CACNG2: variants seen among roughly 807,000 people sequenced by gnomAD.
CACNG2 encodes the protein calcium voltage-gated channel auxiliary subunit gamma 2.
CACNG2 carries 3 observed loss-of-function variants against 25.9 expected under a neutral mutation model. That is an observed-to-expected ratio of 0.12 (90% CI 0.05 to 0.30). CACNG2 has a LOEUF of 0.30. Ranked by LOEUF, CACNG2 falls within the 10% of genes least tolerant of loss-of-function variation. The pLI is 1.00. For synonymous variants in CACNG2, 167 were observed against 173.3 expected (o/e 0.96, Z 0.29); for missense variants, 341 against 432.5 (o/e 0.79, Z 1.88).
chr22:36,632,509 C>A (rs1337034668), intron 1 of CACNG2, among the ~76,000 whole-genome samples: 1 of 150,206 alleles, frequency 6.7e-6, no homozygotes, highest in African/African-American at 2.4e-5. Context: ...TCCCTTTTCT[C>A]TTCCCCCTTC....
In CACNG2 at chr22:36,564,218, G is replaced by GTTTTTTTGT. The variant is rs1555892137; in HGVS notation, c.*124_*132dup. 1.4e-6 allele frequency: 1 copy of GTTTTTTTGT among 731,962 alleles called. No individual in the cohort carries two copies. Among genetic ancestry groups the GTTTTTTTGT allele is most frequent in the Non-Finnish European group, 2.1e-6 (1 of 481,836 alleles). The allele number at this position is 731,962 out of a possible 1,614,324, so 45.3% of individuals were successfully genotyped here. ...GTGTGTGTGTGTTTTTTTGTTTTTT[G>GTTTTTTTGT]TTTTTTTGTTTTTTTTGTTTTTTGT... On this transcript the variant is annotated 3_prime_UTR_variant, in exon 4 of 4. Transcript: ENST00000300105. This position sits in a 1 kb window ranked among gnomAD's most constrained non-coding sequence, Gnocchi z 6.7.
At chr22:36,600,450 C>CA (rs56118733) in intron 1 of CACNG2, among the ~76,000 whole-genome samples, 4,020 of 147,410 alleles carry the variant, frequency 0.027, 121 homozygotes, top group Admixed American at 0.086. Context: ...ACCAAAAAAA[C>CA]AAAAAAAAAA....
intron 1 of CACNG2, among the ~76,000 whole-genome samples, chr22:36,590,274 C>A (rs6000337): frequency 6.6e-6 from 1 of 152,236 alleles, no homozygotes. Flanking sequence ...AGAGGCCGTG[C>A]GAGATAATCA....
intron 1 of CACNG2, among the ~76,000 whole-genome samples, chr22:36,671,735 G>A (rs562175623): frequency 6.6e-6 from 1 of 152,158 alleles, no homozygotes; most frequent in Non-Finnish European, 1.5e-5. Context: ...TTACAGGCCT[G>A]GCTGGAAGCT....
intron 1 of CACNG2, among the ~76,000 whole-genome samples, chr22:36,640,536 C>G (rs1936427485): frequency 6.6e-6 from 1 of 152,206 alleles, no homozygotes. Flanking sequence ...GCTTACTAGC[C>G]AGCTGGCCTT....
chr22:36,606,228 C>G lies in CACNG2; in HGVS notation c.212-18680G>C, dbSNP rs539749814. Among the ~76,000 whole-genome samples the G allele has an allele frequency of 6.6e-6, 1 of 152,298 alleles. No homozygotes were observed. The highest frequency in any genetic ancestry group is 2.1e-4 in the South Asian group (1 of 4,830). ...AGCTGAGTCTTGAGAGGACCCTAGA[C>G]AAATAATTAATGCAGACGACCCAGA... On this transcript the variant is annotated intron_variant, in intron 1 of 3. Coordinates refer to ENST00000300105, the MANE Select transcript of CACNG2 (RefSeq NM_006078.5). This position sits in a 1 kb window ranked among gnomAD's most constrained non-coding sequence, Gnocchi z 5.7.
intron 1 of CACNG2, among the ~76,000 whole-genome samples, chr22:36,676,956 G>GTGTGTGTGTA (rs1247335887): frequency 6.6e-6 from 1 of 151,848 alleles, no homozygotes; most frequent in Non-Finnish European, 1.5e-5. Context: ...GTGTGTGTGT[G>GTGTGTGTGTA]TGTGTGTGTG....
chr22:36,659,343 C>T lies in CACNG2; in HGVS notation c.211+43023G>A, dbSNP rs895448674. 5.9e-5 allele frequency among the ~76,000 whole-genome samples: 9 copies of T among 152,104 alleles called. No individual in the cohort carries two copies. In the East Asian group the frequency reaches 9.7e-4, roughly 16 times the overall value. On this transcript the variant is annotated intron_variant, in intron 1 of 3. Coordinates refer to ENST00000300105, the MANE Select transcript of CACNG2 (RefSeq NM_006078.5). ...GTGGGGAGAGGGCTGTCCCCCATGG[C>T]GACCCTGATGCTACTTCTCAGGGAC...
Position 36,636,745 on chromosome 22 carries a change from C to T in CACNG2, c.212-49197G>A, listed in dbSNP as rs1936363258. On this transcript the variant is annotated intron_variant, in intron 1 of 3. Transcript: ENST00000300105. ...GTATTCAAGGAGTTCCCATGAATGTCTTCTATTTCCTTGAGAAAGACATTT... is the reference window on the plus strand; with the variant it reads ...GTATTCAAGGAGTTCCCATGAATGTTTTCTATTTCCTTGAGAAAGACATTT... Among the ~76,000 whole-genome samples, 3 of 152,200 alleles carry T rather than the reference C, an allele frequency of 2.0e-5. No homozygotes were observed. In the South Asian group the frequency reaches 6.2e-4, roughly 32 times the overall value.
At chr22:36,664,067 C>T (rs767660444) in intron 1 of CACNG2, among the ~76,000 whole-genome samples, 4 of 152,174 alleles carry the variant, frequency 2.6e-5, no homozygotes, top group Non-Finnish European at 4.4e-5. Context: ...CACCCTTCCT[C>T]CCCTATGGCT....
In CACNG2 at chr22:36,606,786, T is replaced by C. The variant is rs548920961; in HGVS notation, c.212-19238A>G. Among the ~76,000 whole-genome samples the C allele has an allele frequency of 2.7e-5, 4 of 147,236 alleles. No individual in the cohort carries two copies. Among genetic ancestry groups the C allele is most frequent in the African/African-American group, 1.0e-4 (4 of 39,840 alleles). ...TGTGTGTGTGTGTGTGTGTATGTGT[T>C]TGTATGTATGTGTGTGTGTATGTCT... On this transcript the variant is annotated intron_variant, in intron 1 of 3. Transcript: ENST00000300105. The surrounding 1 kb of genome is among the most constrained non-coding windows in gnomAD (Gnocchi z 5.7).
chr22:36,624,218 G>A (rs941476771), intron 1 of CACNG2, among the ~76,000 whole-genome samples: 2 of 152,186 alleles, frequency 1.3e-5, no homozygotes, highest in African/African-American at 4.8e-5. Context: ...GGGAGGCAGC[G>A]GGGATGGCCC....
intron 1 of CACNG2, among the ~76,000 whole-genome samples, chr22:36,654,087 G>A (rs5995322): frequency 0.1 from 15,679 of 151,490 alleles, 2,686 homozygotes; most frequent in African/African-American, 0.36. Context: ...AAGGAACACA[G>A]CTTTCCTACA....
chr22:36,646,663 A>AC (rs1936528467), intron 1 of CACNG2, among the ~76,000 whole-genome samples: 1 of 151,612 alleles, frequency 6.6e-6, no homozygotes, highest in African/African-American at 2.4e-5. Context: ...CAGTCACACC[A>AC]CACCTCCTAG....
At chr22:36,609,937 G>A (rs1215979760) in intron 1 of CACNG2, among the ~76,000 whole-genome samples, 1 of 147,572 alleles carries the variant, frequency 6.8e-6, no homozygotes, top group African/African-American at 2.5e-5. Flanking sequence ...CCCAGAATAT[G>A]ATCAGGCAGG....
At chr22:36,660,183 T>C (rs753063770) in intron 1 of CACNG2, among the ~76,000 whole-genome samples, 1 of 152,256 alleles carries the variant, frequency 6.6e-6, no homozygotes, top group Non-Finnish European at 1.5e-5. Flanking sequence ...AGGGCAGGGA[T>C]GCCTGAGTCA....
intron 1 of CACNG2, among the ~76,000 whole-genome samples, chr22:36,654,277 G>A (rs1329447383): frequency 2.0e-5 from 3 of 152,108 alleles, no homozygotes; most frequent in Non-Finnish European, 2.9e-5. Context: ...TTGTGTGTGC[G>A]TGTGTTTCAA....
chr22:36,699,792 C>T (rs1044673748), intron 1 of CACNG2, among the ~76,000 whole-genome samples: 1 of 152,172 alleles, frequency 6.6e-6, no homozygotes, highest in Non-Finnish European at 1.5e-5. Flanking sequence ...CACTGACAGC[C>T]CCCAAGGACT....
chr22:36,566,483 C>G lies in CACNG2; in HGVS notation c.306G>C (p.Arg102Ser), dbSNP rs752545450. ...DTAEYFLRAV[R>S]ASSIFPILSV... ...TCAGGATTGGGAAAATGCTGGAGGC[C>G]CTCACGGCCCCTGTGGAACACAGAG... The change falls in exon 3 of 4, where the codon AGG (arginine) becomes AGC (serine). Residue 102 changes from arginine to serine, a missense_variant. By Grantham distance (110) the Arg-to-Ser change is moderately radical (BLOSUM62 -1). Around this residue, in one of 2 missense-constraint regions of CACNG2, gnomAD observed 169 missense variants for 254.4 expected, o/e 0.66. Coordinates refer to ENST00000300105, the MANE Select transcript of CACNG2 (RefSeq NM_006078.5). 2 of 1,613,958 alleles carry G rather than the reference C, an allele frequency of 1.2e-6. No homozygotes were observed. The highest frequency in any genetic ancestry group is 2.7e-5 in the African/African-American group (2 of 74,918).
Sources: allele counts gnomAD v4.1 joint callset (sites outside exome capture counted in the v4.1 genomes callset), GRCh38; gene constraint gnomAD v4.1.1; regional missense constraint gnomAD v4.1.1; non-coding constraint Gnocchi (gnomAD v3.1); transcripts MANE v1.5; gene names NCBI Gene and HGNC (gene_info 2026-07-23, HGNC 2026-07-21).